P2RX7: variants seen among roughly 807,000 people sequenced by gnomAD.
P2RX7 encodes the protein purinergic receptor P2X 7.
In P2RX7, 62 loss-of-function variants were observed where a neutral mutation model predicts 71.6. The ratio of observed to expected loss-of-function variants is 0.87; its 90% confidence interval spans 0.71 to 1.07. The LOEUF is 1.07. Among genes scored for constraint, P2RX7 ranks in the 50% least tolerant of loss-of-function variants. The pLI is 0.00. For missense variants in P2RX7, 686 were observed against 748.5 expected, an observed-to-expected ratio of 0.92 and a Z score of 0.97; for synonymous variants, 299 against 283.3, an observed-to-expected ratio of 1.06 and a Z score of -0.56.
chr12:121,151,577 C>T (rs193059244), intron 1 of P2RX7, among the ~76,000 whole-genome samples: 2 of 152,182 alleles, frequency 1.3e-5, no homozygotes, highest in East Asian at 1.9e-4. Context: ...AATATTTCTA[C>T]AGCACATATA....
At chr12:121,184,019 C>T (rs958194243) in intron 12 of P2RX7, among the ~76,000 whole-genome samples, 6 of 150,470 alleles carry the variant, frequency 4.0e-5, no homozygotes, top group Non-Finnish European at 7.4e-5. Context: ...GAGCCAAGAT[C>T]ACACCACTGT....
At chr12:121,136,023 A>AAAAAAAAATATATATAT in intron 1 of P2RX7, among the ~76,000 whole-genome samples, 20 of 15,246 alleles carry the variant, frequency 1.3e-3, no homozygotes, top group East Asian at 3.9e-3. Context: ...AAAAAAAAAA[A>AAAAAAAAATATATATAT]ATATATATAT....
intron 1 of P2RX7, among the ~76,000 whole-genome samples, chr12:121,139,447 G>A (rs1345081299): frequency 6.6e-6 from 1 of 152,210 alleles, no homozygotes; most frequent in Non-Finnish European, 1.5e-5. Context: ...CTGCTGCTTC[G>A]CCACTGCCCA....
chr12:121,144,701 G>A (rs746022429), intron 1 of P2RX7, among the ~76,000 whole-genome samples: 14 of 152,178 alleles, frequency 9.2e-5, no homozygotes, highest in Non-Finnish European at 1.8e-4. Context: ...CTATTGGGAT[G>A]TCCAGATCTG....
intron 1 of P2RX7, among the ~76,000 whole-genome samples, chr12:121,145,406 A>G (rs1163797584): frequency 6.6e-6 from 1 of 152,116 alleles, no homozygotes; most frequent in Non-Finnish European, 1.5e-5. Flanking sequence ...GAGAGGCTTT[A>G]GAGAAGGGAT....
intron 2 of P2RX7, chr12:121,155,450 C>G (rs1027485919): frequency 8.4e-7 from 1 of 1,189,034 alleles, no homozygotes; most frequent in Non-Finnish European, 1.1e-6. Flanking sequence ...AGGCGTGTGA[C>G]TTCTAGATTT....
At chr12:121,168,281 T>TTTTCTTTTCTTTTCTTTTC (rs777667293) in intron 8 of P2RX7, among the ~76,000 whole-genome samples, 3 of 127,164 alleles carry the variant, frequency 2.4e-5, no homozygotes, top group African/African-American at 5.3e-5. Context: ...TTTTCTTTTC[T>TTTTCTTTTCTTTTCTTTTC]TTTTTTTTTT....
At chr12:121,165,059 T>G (rs1392075388) in intron 5 of P2RX7, among the ~76,000 whole-genome samples, 2 of 152,082 alleles carry the variant, frequency 1.3e-5, no homozygotes, top group African/African-American at 4.8e-5. Flanking sequence ...CATGATTCAG[T>G]CACCTCCCAC....
intron 1 of P2RX7, among the ~76,000 whole-genome samples, chr12:121,141,917 C>T (rs1366964898): frequency 6.6e-6 from 1 of 152,180 alleles, no homozygotes; most frequent in African/African-American, 2.4e-5. Context: ...TAGGACACAA[C>T]AGGAGACCCA....
chr12:121,177,484 GA>G (rs1156969009), intron 11 of P2RX7, 38 bp downstream of exon 11: 6 of 1,591,336 alleles, frequency 3.8e-6, no homozygotes, highest in Non-Finnish European at 5.2e-6. Flanking sequence ...AAGACATGGA[GA>G]GATTCCATGA....
At chr12:121,145,027 G>T (rs1041504664) in intron 1 of P2RX7, among the ~76,000 whole-genome samples, 4 of 152,128 alleles carry the variant, frequency 2.6e-5, no homozygotes, top group African/African-American at 9.7e-5. Flanking sequence ...TTGGATATAC[G>T]AATCTGCAGC....
chr12:121,143,828 G>A (rs188602779), intron 1 of P2RX7, among the ~76,000 whole-genome samples: 5 of 152,300 alleles, frequency 3.3e-5, no homozygotes, highest in Admixed American at 3.3e-4. Flanking sequence ...CTCCAGCCTG[G>A]TGGCAGAGTG....
intron 11 of P2RX7, among the ~76,000 whole-genome samples, chr12:121,180,115 C>T: frequency 7.0e-6 from 1 of 141,870 alleles, no homozygotes; most frequent in South Asian, 2.2e-4. Context: ...TGCCATTGCA[C>T]TCCAGCCTGG....
At chr12:121,147,037 A>G (rs1031325542) in intron 1 of P2RX7, among the ~76,000 whole-genome samples, 1 of 152,276 alleles carries the variant, frequency 6.6e-6, no homozygotes, top group African/African-American at 2.4e-5. Flanking sequence ...TGTTAGAGCA[A>G]ATAAACTAAT....
intron 3 of P2RX7, among the ~76,000 whole-genome samples, chr12:121,159,087 C>G (rs1053133371): frequency 2.0e-5 from 3 of 152,174 alleles, no homozygotes; most frequent in Non-Finnish European, 4.4e-5. Flanking sequence ...TAAACCCTTT[C>G]TTTTCATAAC....
chr12:121,167,608 C>G lies in P2RX7; in HGVS notation c.865C>G (p.Pro289Ala). The G allele has an allele frequency of 1.3e-6, 2 of 1,591,870 alleles. No homozygotes were observed. Among genetic ancestry groups the G allele is most frequent in the South Asian group, 2.3e-5 (2 of 88,244 alleles). ...CAAGACCACCAACGTGTCCTTGTAC[C>G]CTGGCTACAACTTCAGGTAACTCCA... The part of the protein sequence containing the change: ...DDKTTNVSLY[P>A]GYNFRYAKYY... The change falls in exon 8 of 13, where the codon CCT (proline) becomes GCT (alanine). Residue 289 changes from proline to alanine, a missense_variant. By Grantham distance (27) the Pro-to-Ala change is conservative. Transcript: ENST00000328963.
At chr12:121,136,328 C>A (rs1873645540) in intron 1 of P2RX7, among the ~76,000 whole-genome samples, 2 of 151,386 alleles carry the variant, frequency 1.3e-5, no homozygotes, top group Admixed American at 1.3e-4. Flanking sequence ...CTTTTTATTT[C>A]TTTTTTAGAG....
At chr12:121,168,602 G>A (rs1653610) in intron 8 of P2RX7, among the ~76,000 whole-genome samples, 59,055 of 151,860 alleles carry the variant, frequency 0.39, 11,934 homozygotes, top group African/African-American at 0.45. Context: ...AGCACTCCCC[G>A]TCGCCATCCC....
In P2RX7 at chr12:121,156,126, A is replaced by G; in HGVS notation, c.342A>G (p.Gln114=). Residue 114 remains glutamine, a synonymous_variant, in exon 3 of 13, where the codon CAA becomes CAG. Transcript: ENST00000328963. ...VMTNFLKTEG[Q]EQRLCPEYPT... is the part of the protein sequence containing the mutation. ...CAAACTTTCTCAAAACAGAAGGCCA[A>G]GAGCAGCGGTTGTGTCCCGAGGTAA... 6.2e-7 allele frequency: 1 copy of G among 1,614,200 alleles called. No individual in the cohort carries two copies. The highest frequency in any genetic ancestry group is 8.5e-7 in the Non-Finnish European group (1 of 1,180,002).
Sources: gnomAD v4.1 joint callset for allele counts (sites outside exome capture counted in the v4.1 genomes callset) on GRCh38, gnomAD v4.1.1 for gene constraint, MANE v1.5 for transcripts, NCBI Gene and HGNC (gene_info 2026-07-23, HGNC 2026-07-21) for gene names.